Variants in COL4A1 observed in about 807,000 individuals in gnomAD.
COL4A1 encodes the protein collagen alpha-1(IV) chain.
In COL4A1, 40 loss-of-function variants were observed where a neutral mutation model predicts 216.6. The observed-to-expected ratio is 0.18, with a 90% CI of 0.14 to 0.24. The LOEUF (loss-of-function observed/expected upper bound fraction) is 0.24, where lower values mean the gene tolerates loss of function less well. Among genes scored for constraint, COL4A1 ranks in the 10% least tolerant of loss-of-function variants. The pLI, the probability that COL4A1 is intolerant of heterozygous loss-of-function variation, is 1.00. For synonymous variants in COL4A1, 839 were observed against 810.7 expected, an observed-to-expected ratio of 1.03 and a Z score of -0.59; for missense variants, 1,628 against 2,196.8, an observed-to-expected ratio of 0.74 and a Z score of 5.18.
intron 1 of COL4A1, among the ~76,000 whole-genome samples, chr13:110,253,304 ATAT>A (rs774968859): frequency 0.42 from 40,292 of 95,884 alleles, 12,609 homozygotes; most frequent in Non-Finnish European, 0.54. Flanking sequence ...ACATATAATT[ATAT>A]GTATTACATA....
intron 1 of COL4A1, among the ~76,000 whole-genome samples, chr13:110,290,731 C>T (rs1404274710): frequency 2.6e-5 from 4 of 151,012 alleles, no homozygotes; most frequent in Admixed American, 1.3e-4. Context: ...CTTGGGTGCA[C>T]GAGAGCAAGT....
intron 1 of COL4A1, among the ~76,000 whole-genome samples, chr13:110,252,085 G>A (rs908338642): frequency 5.9e-5 from 9 of 152,072 alleles, no homozygotes; most frequent in Non-Finnish European, 7.4e-5. Flanking sequence ...GTGCTGTGGC[G>A]CGATCTCAAC....
At chr13:110,292,818 G>C (rs1443484067) in intron 1 of COL4A1, among the ~76,000 whole-genome samples, 2 of 152,126 alleles carry the variant, frequency 1.3e-5, no homozygotes, top group Non-Finnish European at 2.9e-5. Context: ...AGGCAGATGG[G>C]ATCAATGGGT....
At chr13:110,185,040 T>C (rs564408850) in intron 26 of COL4A1, among the ~76,000 whole-genome samples, 4 of 152,258 alleles carry the variant, frequency 2.6e-5, no homozygotes, top group African/African-American at 9.6e-5. Flanking sequence ...AGGCTCAATA[T>C]GGTTATTGAC....
chr13:110,265,803 G>C (rs972701815), intron 1 of COL4A1: 5 of 152,226 alleles, frequency 3.3e-5, no homozygotes, highest in African/African-American at 1.2e-4. Context: ...TCCTGAAGAT[G>C]ATGTGGCAGT....
chr13:110,150,147 G>C lies in COL4A1; in HGVS notation c.*216C>G, dbSNP rs1876430492. The C allele has an allele frequency of 1.7e-6, 1 of 605,730 alleles. No individual in the cohort carries two copies. The highest frequency in any genetic ancestry group is 2.9e-5 in the East Asian group (1 of 34,768). 37.5% of individuals were successfully genotyped at this position (605,730 alleles called of 1,614,324 possible). A position where few individuals can be genotyped will look rare whatever the true frequency, so the allele number is the denominator to read the frequency against. On this transcript the variant is annotated 3_prime_UTR_variant, in exon 52 of 52. Transcript: ENST00000375820. Reference sequence around the variant, plus strand: ...TTTATTTCATCAAAAGTGCCATTTGGTATGCCACTATTGAAAGCTTATCGC... The same window carrying C: ...TTTATTTCATCAAAAGTGCCATTTGCTATGCCACTATTGAAAGCTTATCGC...
intron 38 of COL4A1, 42 bp from the exon 39 acceptor site, chr13:110,174,568 G>A (rs1566349803): frequency 1.2e-6 from 2 of 1,614,076 alleles, no homozygotes; most frequent in Admixed American, 3.3e-5. Context: ...ATAAGTTTGG[G>A]CTTTTCTTTG....
chr13:110,201,650 G>C (rs1440090169), intron 18 of COL4A1, 128 bp from the exon 19 acceptor site: 1 of 878,714 alleles, frequency 1.1e-6, no homozygotes. Context: ...TGAAGTAGCA[G>C]CAATGGTAGC....
intron 1 of COL4A1, among the ~76,000 whole-genome samples, chr13:110,286,063 A>T (rs1566444469): frequency 6.6e-6 from 1 of 152,142 alleles, no homozygotes; most frequent in Non-Finnish European, 1.5e-5. Flanking sequence ...GATATGAGTG[A>T]GCTATGAGTC....
Position 110,253,739 on chromosome 13 carries a change from G to A in COL4A1, c.85-11005C>T, listed in dbSNP as rs564224352. Among the ~76,000 whole-genome samples, 10 of 141,648 alleles carry A rather than the reference G, an allele frequency of 7.1e-5. No individual in the cohort carries two copies. In the South Asian group the frequency reaches 1.7e-3, roughly 25 times the overall value. The allele number at this position is 141,648 out of a possible 152,430, so 92.9% of individuals were successfully genotyped here. A position where few individuals can be genotyped will look rare whatever the true frequency, so the allele number is the denominator to read the frequency against. On this transcript the variant is annotated intron_variant, in intron 1 of 51. Coordinates refer to ENST00000375820, the MANE Select transcript of COL4A1 (RefSeq NM_001845.6). ...TATACGTATAATTATACGTATGTAT[G>A]TATTACATATACATATAATTATACG...
At position 110,253,114 on chromosome 13, in the gene COL4A1, T is replaced by A. The variant is rs28403422; in HGVS notation, c.85-10380A>T. On this transcript the variant is annotated intron_variant, in intron 1 of 51. Coordinates refer to ENST00000375820, the MANE Select transcript of COL4A1 (RefSeq NM_001845.6). ...TGTATTACATATACATATAACTATA[T>A]GTACGTATGTATTATATATACATAT... Among the ~76,000 whole-genome samples the A allele has an allele frequency of 8.3e-5, 11 of 132,012 alleles. 1 individual carries two copies. The highest frequency in any genetic ancestry group is 3.0e-4 in the African/African-American group (11 of 36,650). 86.6% of individuals were successfully genotyped at this position (132,012 alleles called of 152,430 possible).
chr13:110,272,278 G>C (rs1392100694), intron 1 of COL4A1, among the ~76,000 whole-genome samples: 1 of 152,180 alleles, frequency 6.6e-6, no homozygotes, highest in Non-Finnish European at 1.5e-5. Flanking sequence ...TCCATAGACA[G>C]AGAAAGTAAT....
At chr13:110,262,229 C>T (rs923185371) in intron 1 of COL4A1, among the ~76,000 whole-genome samples, 5 of 152,112 alleles carry the variant, frequency 3.3e-5, no homozygotes, top group Admixed American at 6.5e-5. Flanking sequence ...GCAAGGACCG[C>T]GAGGTCTGCA....
chr13:110,299,894 A>C (rs757807987), intron 1 of COL4A1, among the ~76,000 whole-genome samples: 3 of 152,226 alleles, frequency 2.0e-5, no homozygotes, highest in African/African-American at 7.2e-5. Flanking sequence ...ATTCAAGCTA[A>C]TGATAAAAAA....
intron 2 of COL4A1, among the ~76,000 whole-genome samples, chr13:110,232,944 C>T (rs916797160): frequency 6.6e-6 from 1 of 152,148 alleles, no homozygotes; most frequent in Non-Finnish European, 1.5e-5. Flanking sequence ...GTGGGCAGAA[C>T]TAGGAAGTGG....
At chr13:110,176,796 G>A (rs555183113) in intron 34 of COL4A1, 72 bp from the exon 35 acceptor site, 11 of 1,613,606 alleles carry the variant, frequency 6.8e-6, no homozygotes, top group Non-Finnish European at 9.3e-6. Flanking sequence ...AACGCAGGTT[G>A]GTTTGGTTAT....
intron 1 of COL4A1, among the ~76,000 whole-genome samples, chr13:110,250,392 G>A (rs752712457): frequency 2.8e-4 from 42 of 152,052 alleles, no homozygotes; most frequent in Admixed American, 7.9e-4. Flanking sequence ...AGGAAATGAG[G>A]GTGTTTTCTT....
At chr13:110,151,124 AAATT>A (rs1397994094) in intron 51 of COL4A1, among the ~76,000 whole-genome samples, 4 of 152,196 alleles carry the variant, frequency 2.6e-5, no homozygotes, top group Non-Finnish European at 5.9e-5. Flanking sequence ...TAAAATAAAT[AAATT>A]AATTAAACTA....
chr13:110,231,306 G>C (rs546401900), intron 2 of COL4A1, among the ~76,000 whole-genome samples: 1 of 152,350 alleles, frequency 6.6e-6, no homozygotes, highest in East Asian at 1.9e-4. Context: ...AGGGGGAGGT[G>C]AGGAGGCACA....
Sources: allele counts gnomAD v4.1 joint callset (sites outside exome capture counted in the v4.1 genomes callset), GRCh38; gene constraint gnomAD v4.1.1; transcripts MANE v1.5; gene names NCBI Gene and HGNC (gene_info 2026-07-23, HGNC 2026-07-21).